Variants in KCNQ1 observed in about 807,000 individuals in gnomAD.
KCNQ1 encodes the protein potassium voltage-gated channel subfamily KQT member 1.
KCNQ1 carries 49 observed loss-of-function variants against 72.4 expected under a neutral mutation model. The observed-to-expected ratio is 0.68, with a 90% confidence interval of 0.54 to 0.86. The LOEUF is 0.86. KCNQ1 is among the 40% of genes least tolerant of loss of function. The pLI, the probability that KCNQ1 is intolerant of heterozygous loss-of-function variation, is 0.00. For synonymous variants in KCNQ1, 450 were observed against 412.6 expected (o/e 1.09, Z -1.10); for missense variants, 790 against 945.1 (o/e 0.84, Z 2.15).
Position 2,654,789 on chromosome 11 carries a change from G to C in KCNQ1, c.1394-7172G>C. On this transcript the variant is annotated intron_variant, in intron 10 of 15. Coordinates refer to ENST00000155840, the MANE Select transcript of KCNQ1 (RefSeq NM_000218.3). The surrounding 1 kb of genome is among the most constrained non-coding windows in gnomAD (Gnocchi z 6.4). Reference sequence around the variant, plus strand: ...AGAGGAAGTGAGACCAGAATTTCTTGGGAACAGAAAGCCTCAAAGACTTTC... The same window carrying C: ...AGAGGAAGTGAGACCAGAATTTCTTCGGAACAGAAAGCCTCAAAGACTTTC... The C allele has an allele frequency of 2.5e-6, 1 of 398,588 alleles. No individual in the cohort carries two copies. Among genetic ancestry groups the C allele is most frequent in the East Asian group, 3.6e-5 (1 of 28,056 alleles). The allele number at this position is 398,588 out of a possible 1,614,324, so 24.7% of individuals were successfully genotyped here. A position where few individuals can be genotyped will look rare whatever the true frequency, so the allele number is the denominator to read the frequency against.
chr11:2,641,818 G>A lies in KCNQ1; in HGVS notation c.1394-20143G>A, dbSNP rs182359392. 11 of 398,358 alleles carry A rather than the reference G, an allele frequency of 2.8e-5. No homozygotes were observed. In the East Asian group the frequency reaches 3.6e-4, roughly 13 times the overall value. 24.7% of individuals were successfully genotyped at this position (398,358 alleles called of 1,614,324 possible). ...CCCATCTTGAGTTGATTTTAGTATA[G>A]CAAGAGATAGAAACGGTTTCATTTT... On this transcript the variant is annotated intron_variant, in intron 10 of 15. Transcript: ENST00000155840.
intron 6 of KCNQ1, among the ~76,000 whole-genome samples, chr11:2,575,542 A>G (rs1269910537): frequency 6.6e-6 from 1 of 152,216 alleles, no homozygotes; most frequent in African/African-American, 2.4e-5. Context: ...CTTTTAAGCC[A>G]GTTTTGCCAA....
Position 2,471,675 on chromosome 11 carries a change from C to T in KCNQ1, c.386+26191C>T, listed in dbSNP as rs960280986. On this transcript the variant is annotated intron_variant, in intron 1 of 15. Transcript: ENST00000155840. This position sits in a 1 kb window ranked among gnomAD's most constrained non-coding sequence, Gnocchi z 4.8. The stretch of plus-strand genomic sequence containing the variant: ...GTGTATGGGTGTGTGCATGGGTGTG[C>T]ACATGTGTATGGGTGTGCATGTGTG... Among the ~76,000 whole-genome samples the T allele has an allele frequency of 2.0e-5, 3 of 150,272 alleles. No homozygotes were observed. Among genetic ancestry groups the T allele is most frequent in the African/African-American group, 7.4e-5 (3 of 40,564 alleles).
chr11:2,646,950 T>A, intron 10 of KCNQ1: 1 of 398,658 alleles, frequency 2.5e-6, no homozygotes, highest in Non-Finnish European at 4.4e-6. Context: ...CAATATGACA[T>A]TCTCTTTTCC....
At chr11:2,596,503 A>G (rs1327338731) in intron 10 of KCNQ1, among the ~76,000 whole-genome samples, 1 of 152,142 alleles carries the variant, frequency 6.6e-6, no homozygotes, top group African/African-American at 2.4e-5. Flanking sequence ...ATGGAATACT[A>G]CTTAGAAATA....
At chr11:2,480,433 G>T (rs1330375348) in intron 1 of KCNQ1, among the ~76,000 whole-genome samples, 1 of 152,218 alleles carries the variant, frequency 6.6e-6, no homozygotes, top group Admixed American at 6.5e-5. Context: ...GTGGCAGCTG[G>T]CAAAGAGAGA....
Position 2,828,270 on chromosome 11 carries a change from A to G in KCNQ1, c.1795-19497A>G, listed in dbSNP as rs1847878359. ...CAGGGGGCTGCTGGAAGGTTTGGTG[A>G]CCGGAGCAGCAGGTGCCAGAGCTGA... is the stretch of plus-strand genomic sequence containing the variant. On this transcript the variant is annotated intron_variant, in intron 15 of 15. Transcript: ENST00000155840. The surrounding 1 kb of genome is among the most constrained non-coding windows in gnomAD (Gnocchi z 5.3). 6.6e-6 allele frequency among the ~76,000 whole-genome samples: 1 copy of G among 152,180 alleles called. No individual in the cohort carries two copies. Among genetic ancestry groups the G allele is most frequent in the Admixed American group, 6.5e-5 (1 of 15,280 alleles).
rs1846588587 is a variant in KCNQ1 at position 2,477,466 on chromosome 11, G to C, written c.386+31982G>C. On this transcript the variant is annotated intron_variant, in intron 1 of 15. Transcript: ENST00000155840. This position sits in a 1 kb window ranked among gnomAD's most constrained non-coding sequence, Gnocchi z 5.0. Reference sequence around the variant, plus strand: ...AGTGGCTCAATGGGCAGGGTGCCCAGGTTAGCTGTGAACAAAGTGATCTCT... The same window carrying C: ...AGTGGCTCAATGGGCAGGGTGCCCACGTTAGCTGTGAACAAAGTGATCTCT... Among the ~76,000 whole-genome samples, 1 of 152,194 alleles carries C rather than the reference G, an allele frequency of 6.6e-6. No homozygotes were observed. The highest frequency in any genetic ancestry group is 6.5e-5 in the Admixed American group (1 of 15,272).
At chr11:2,576,673 G>A (rs1050575223) in intron 6 of KCNQ1, among the ~76,000 whole-genome samples, 1 of 152,242 alleles carries the variant, frequency 6.6e-6, no homozygotes, top group Non-Finnish European at 1.5e-5. Flanking sequence ...CGCCTCCCTG[G>A]CAACGCTGCA....
At chr11:2,738,929 G>A (rs1021425543) in intron 11 of KCNQ1, among the ~76,000 whole-genome samples, 2 of 152,234 alleles carry the variant, frequency 1.3e-5, no homozygotes, top group East Asian at 1.9e-4. Flanking sequence ...GTGGGTGAGC[G>A]AGGTGCAGGC....
chr11:2,826,083 C>T lies in KCNQ1; in HGVS notation c.1795-21684C>T, dbSNP rs1847833861. The stretch of plus-strand genomic sequence containing the variant: ...ACTGCCTGTGAGTTATAAGCCTCCA[C>T]AGCAAGCAGCCTGTTACCTAACCAG... On this transcript the variant is annotated intron_variant, in intron 15 of 15. Transcript: ENST00000155840. The surrounding 1 kb of genome is among the most constrained non-coding windows in gnomAD (Gnocchi z 4.2). 6.6e-6 allele frequency among the ~76,000 whole-genome samples: 1 copy of T among 152,246 alleles called. No homozygotes were observed. The highest frequency in any genetic ancestry group is 6.5e-5 in the Admixed American group (1 of 15,290).
At chr11:2,452,082 G>A (rs1388300282) in intron 1 of KCNQ1, among the ~76,000 whole-genome samples, 7 of 152,318 alleles carry the variant, frequency 4.6e-5, no homozygotes, top group East Asian at 3.9e-4. Context: ...AGCTACGGCT[G>A]CCCTCACCCA....
chr11:2,628,047 T>C (rs1329787081), intron 10 of KCNQ1: 2 of 398,526 alleles, frequency 5.0e-6, no homozygotes, highest in Non-Finnish European at 8.8e-6. Context: ...CCACCATGCC[T>C]ATGAATACTA....
rs1465735055 is a variant in KCNQ1 at position 2,473,070 on chromosome 11, C to T, written c.386+27586C>T. Among the ~76,000 whole-genome samples the T allele has an allele frequency of 3.9e-5, 6 of 152,038 alleles. No homozygotes were observed. The highest frequency in any genetic ancestry group is 7.4e-5 in the Non-Finnish European group (5 of 68,016). On this transcript the variant is annotated intron_variant, in intron 1 of 15. Transcript: ENST00000155840. This position sits in a 1 kb window ranked among gnomAD's most constrained non-coding sequence, Gnocchi z 6.0. ...CCAGATCATGTCCCTGAGTGGGGAG[C>T]GCCTTCTGGGCAGAGTGGCACACAG...
chr11:2,623,942 A>C lies in KCNQ1; in HGVS notation c.1393+35088A>C. ...AATTCCATTTTTAATTCTTTGAAGA[A>C]CCACCAAACTCTTCTCCACCAGGGC... On this transcript the variant is annotated intron_variant, in intron 10 of 15. Transcript: ENST00000155840. This position sits in a 1 kb window ranked among gnomAD's most constrained non-coding sequence, Gnocchi z 5.2. 1 of 398,658 alleles carries C rather than the reference A, an allele frequency of 2.5e-6. No homozygotes were observed. Among genetic ancestry groups the C allele is most frequent in the East Asian group, 3.6e-5 (1 of 28,072 alleles). The allele number at this position is 398,658 out of a possible 1,614,324, so 24.7% of individuals were successfully genotyped here.
In KCNQ1 at chr11:2,748,549, G is replaced by A. The variant is rs1174044808; in HGVS notation, c.1515-20295G>A. Among the ~76,000 whole-genome samples, 1 of 152,216 alleles carries A rather than the reference G, an allele frequency of 6.6e-6. No individual in the cohort carries two copies. Among genetic ancestry groups the A allele is most frequent in the African/African-American group, 2.4e-5 (1 of 41,456 alleles). On this transcript the variant is annotated intron_variant, in intron 11 of 15. Transcript: ENST00000155840. This position sits in a 1 kb window ranked among gnomAD's most constrained non-coding sequence, Gnocchi z 6.2. ...GTCCACGTGGAGGTGTGGGGCCCGG[G>A]TGGGACAAGCCTGGCAACCAGGACC...
At position 2,698,479 on chromosome 11, in the gene KCNQ1, C is replaced by T; in HGVS notation, c.1514+36398C>T. 2 of 398,536 alleles carry T rather than the reference C, an allele frequency of 5.0e-6. No individual in the cohort carries two copies. Among genetic ancestry groups the T allele is most frequent in the Middle Eastern group, 6.3e-4 (1 of 1,588 alleles). 24.7% of individuals were successfully genotyped at this position (398,536 alleles called of 1,614,324 possible). A position where few individuals can be genotyped will look rare whatever the true frequency, so the allele number is the denominator to read the frequency against. On this transcript the variant is annotated intron_variant, in intron 11 of 15. Coordinates refer to ENST00000155840, the MANE Select transcript of KCNQ1 (RefSeq NM_000218.3). This position sits in a 1 kb window ranked among gnomAD's most constrained non-coding sequence, Gnocchi z 5.1. ...GATCAACTCTCATCTCCAATATGAC[C>T]AAGAGACTTCTACCACTACCTCTCA...
chr11:2,658,821 CTT>C lies in KCNQ1; in HGVS notation c.1394-3136_1394-3135del, dbSNP rs1849898858. 4.0e-5 allele frequency: 16 copies of C among 398,436 alleles called. No homozygotes were observed. Among genetic ancestry groups the C allele is most frequent in the Non-Finnish European group, 6.6e-5 (15 of 226,076 alleles). 24.7% of individuals were successfully genotyped at this position (398,436 alleles called of 1,614,324 possible). On this transcript the variant is annotated intron_variant, in intron 10 of 15. Coordinates refer to ENST00000155840, the MANE Select transcript of KCNQ1 (RefSeq NM_000218.3). The surrounding 1 kb of genome is among the most constrained non-coding windows in gnomAD (Gnocchi z 4.9). ...CCCCTCCCCCACAACTTATTTATAGCTTTTTCTCTGACAGCTAGAAACCTGGC... is the reference window on the plus strand; with the variant it reads ...CCCCTCCCCCACAACTTATTTATAGCTTTCTCTGACAGCTAGAAACCTGGC...
Position 2,691,332 on chromosome 11 carries a change from G to A in KCNQ1, c.1514+29251G>A. ...TCTCACCCCTGAGCTACAATCCACT[G>A]CACTTACAGTGACCACCCATCCTGA... On this transcript the variant is annotated intron_variant, in intron 11 of 15. Transcript: ENST00000155840. The surrounding 1 kb of genome is among the most constrained non-coding windows in gnomAD (Gnocchi z 6.4). 2.5e-6 allele frequency: 1 copy of A among 398,632 alleles called. No individual in the cohort carries two copies. Among genetic ancestry groups the A allele is most frequent in the African/African-American group, 2.1e-5 (1 of 48,758 alleles). 24.7% of individuals were successfully genotyped at this position (398,632 alleles called of 1,614,324 possible). A position where few individuals can be genotyped will look rare whatever the true frequency, so the allele number is the denominator to read the frequency against.
Sources: allele counts gnomAD v4.1 joint callset (sites outside exome capture counted in the v4.1 genomes callset), GRCh38; gene constraint gnomAD v4.1.1; non-coding constraint Gnocchi (gnomAD v3.1); transcripts MANE v1.5; gene names NCBI Gene and HGNC (gene_info 2026-07-23, HGNC 2026-07-21).